The following TTC7B variants were observed in gnomAD, a reference collection of about 807,000 sequenced individuals.
TTC7B encodes the protein tetratricopeptide repeat domain 7B, also known as tetratricopeptide repeat protein 7B.
Under a neutral mutation model 106.8 loss-of-function variants are expected in TTC7B, and 28 were observed. The ratio of observed to expected loss-of-function variants is 0.26; its 90% CI spans 0.19 to 0.36. The LOEUF is 0.36. Among genes scored for constraint, TTC7B ranks in the 10% least tolerant of loss-of-function variants. TTC7B has a pLI of 1.00. For synonymous variants in TTC7B, 405 were observed against 430.6 expected (o/e 0.94, Z 0.74); for missense variants, 862 against 1,076.4 (o/e 0.80, Z 2.79).
intron 18 of TTC7B, among the ~76,000 whole-genome samples, chr14:90,582,831 G>C (rs140689796): frequency 6.6e-6 from 1 of 152,172 alleles, no homozygotes; most frequent in African/African-American, 2.4e-5. Flanking sequence ...GGGGCACAAC[G>C]TCTTAGGCTC....
At chr14:90,754,472 ATTAT>A (rs1393285009) in intron 3 of TTC7B, among the ~76,000 whole-genome samples, 1 of 152,174 alleles carries the variant, frequency 6.6e-6, no homozygotes, top group East Asian at 1.9e-4. Context: ...TCTGATTATT[ATTAT>A]TTATTACCTC....
intron 4 of TTC7B, among the ~76,000 whole-genome samples, chr14:90,735,282 G>A (rs1889475181): frequency 6.6e-6 from 1 of 152,168 alleles, no homozygotes; most frequent in South Asian, 2.1e-4. Flanking sequence ...AAGAAAGGTG[G>A]AATGCTTGAG....
chr14:90,592,280 C>A (rs1891990914), intron 18 of TTC7B, among the ~76,000 whole-genome samples: 1 of 152,138 alleles, frequency 6.6e-6, no homozygotes, highest in Non-Finnish European at 1.5e-5. Flanking sequence ...CCTGAGAAGA[C>A]CCAGGTAGGG....
At chr14:90,622,424 T>C (rs2139854437) in intron 15 of TTC7B, among the ~76,000 whole-genome samples, 1 of 150,026 alleles carries the variant, frequency 6.7e-6, no homozygotes, top group African/African-American at 2.4e-5. Flanking sequence ...CAGCCATGAA[T>C]CTAATTTAAA....
intron 1 of TTC7B, among the ~76,000 whole-genome samples, chr14:90,791,359 G>A (rs12894343): frequency 0.51 from 77,984 of 151,954 alleles, 22,440 homozygotes; most frequent in Admixed American, 0.64. Context: ...ATCTGGCACA[G>A]AGTCCATGCT....
intron 3 of TTC7B, among the ~76,000 whole-genome samples, chr14:90,745,661 A>G (rs1394096923): frequency 6.7e-6 from 1 of 148,990 alleles, no homozygotes; most frequent in Non-Finnish European, 1.5e-5. Context: ...CCTTTTTTAT[A>G]TTTTTGGATT....
intron 17 of TTC7B, among the ~76,000 whole-genome samples, chr14:90,597,774 C>T (rs922921303): frequency 6.6e-6 from 1 of 152,062 alleles, no homozygotes; most frequent in South Asian, 2.1e-4. Flanking sequence ...TATAGGTAAA[C>T]AGCTGGAAAC....
intron 4 of TTC7B, among the ~76,000 whole-genome samples, 190 bp from the exon 5 acceptor site, chr14:90,730,386 C>G (rs1488288144): frequency 1.3e-5 from 2 of 152,146 alleles, no homozygotes; most frequent in Non-Finnish European, 2.9e-5. Context: ...CAGGAAGCAA[C>G]AAGCAACCCA....
intron 5 of TTC7B, among the ~76,000 whole-genome samples, chr14:90,696,623 C>T (rs1168910307): frequency 6.6e-6 from 1 of 152,172 alleles, no homozygotes; most frequent in Non-Finnish European, 1.5e-5. Context: ...CTCATGAGGG[C>T]TATTAATTCG....
chr14:90,621,421 G>A (rs1184626601), intron 15 of TTC7B, among the ~76,000 whole-genome samples: 1 of 151,612 alleles, frequency 6.6e-6, no homozygotes, highest in African/African-American at 2.4e-5. Context: ...GTACAGCCGG[G>A]ATGATGGGCA....
intron 17 of TTC7B, among the ~76,000 whole-genome samples, chr14:90,595,294 T>C (rs1351225493): frequency 6.6e-6 from 1 of 151,862 alleles, no homozygotes; most frequent in Non-Finnish European, 1.5e-5. Context: ...GGTCGCTCCA[T>C]TGCACTCCAG....
intron 5 of TTC7B, among the ~76,000 whole-genome samples, chr14:90,710,908 A>C (rs1888419888): frequency 6.8e-6 from 1 of 146,274 alleles, no homozygotes; most frequent in Non-Finnish European, 1.5e-5. Context: ...TCTGAAACCA[A>C]ACCTACAATA....
intron 17 of TTC7B, among the ~76,000 whole-genome samples, chr14:90,598,935 G>A (rs1169264981): frequency 6.6e-6 from 1 of 152,134 alleles, no homozygotes. Context: ...ATCACTTGAG[G>A]TCAGGAGTCT....
chr14:90,733,011 CTCCACTGTGCTACAAAT>C (rs1889383471), intron 4 of TTC7B, among the ~76,000 whole-genome samples: 1 of 152,196 alleles, frequency 6.6e-6, no homozygotes, highest in Non-Finnish European at 1.5e-5. Flanking sequence ...GGCTGTCTCT[CTCCACTGTGCTACAAAT>C]TCCACAAAGT....
At chr14:90,684,777 C>T (rs1887192320) in intron 7 of TTC7B, among the ~76,000 whole-genome samples, 1 of 151,932 alleles carries the variant, frequency 6.6e-6, no homozygotes, top group African/African-American at 2.4e-5. Flanking sequence ...GTGTCCTTTC[C>T]TGACCAAATG....
intron 15 of TTC7B, among the ~76,000 whole-genome samples, chr14:90,634,867 T>A (rs931912179): frequency 6.6e-6 from 1 of 152,132 alleles, no homozygotes; most frequent in African/African-American, 2.4e-5. Flanking sequence ...ACAATACCAA[T>A]ACAGTTTTAA....
At chr14:90,602,924 C>T (rs991020209) in intron 17 of TTC7B, among the ~76,000 whole-genome samples, 5 of 152,196 alleles carry the variant, frequency 3.3e-5, no homozygotes, top group South Asian at 2.1e-4. Flanking sequence ...CTTGGGAAGA[C>T]GGGGCATCTC....
chr14:90,611,335 C>A lies in TTC7B; in HGVS notation c.1869-496G>T, dbSNP rs574879129. Reference sequence around the variant, plus strand: ...CAGACGCCTAGGTCCCACTGTGAACCGAACAAATCAAAACTCCTGGGCTGA... The same window carrying A: ...CAGACGCCTAGGTCCCACTGTGAACAGAACAAATCAAAACTCCTGGGCTGA... On this transcript the variant is annotated intron_variant, in intron 16 of 19. Coordinates refer to ENST00000328459, the MANE Select transcript of TTC7B (RefSeq NM_001010854.2). Among the ~76,000 whole-genome samples the A allele has an allele frequency of 1.5e-4, 23 of 152,264 alleles. No homozygotes were observed. The East Asian group carries it at 4.2e-3, about 28-fold the overall frequency.
rs570360015 is a variant in TTC7B, at chr14:90,727,151, A to G, written c.698+2924T>C. ...AGAGATGCTTTGTGACGCGCTGTAG[A>G]TGAGACACGGGGGAAAGCCTTAGGA... On this transcript the variant is annotated intron_variant, in intron 5 of 19. Coordinates refer to ENST00000328459, the MANE Select transcript of TTC7B (RefSeq NM_001010854.2). Among the ~76,000 whole-genome samples, 3 of 152,304 alleles carry G rather than the reference A, an allele frequency of 2.0e-5. No homozygotes were observed. The East Asian group carries it at 5.8e-4, about 29-fold the overall frequency.
Sources: gnomAD v4.1 joint callset for allele counts (sites outside exome capture counted in the v4.1 genomes callset) on GRCh38, gnomAD v4.1.1 for gene constraint, MANE v1.5 for transcripts, NCBI Gene and HGNC (gene_info 2026-07-23, HGNC 2026-07-21) for gene names.